The following TTLL5 variants were observed in gnomAD, a reference collection of about 807,000 sequenced individuals.
TTLL5 encodes the protein tubulin tyrosine ligase like 5.
In TTLL5, 132 loss-of-function variants were observed where a neutral mutation model predicts 168.4. That is an observed-to-expected ratio of 0.78 (90% CI 0.68 to 0.91). TTLL5 has a LOEUF of 0.91. Ranked by LOEUF, TTLL5 falls within the 40% of genes least tolerant of loss-of-function variation. TTLL5 has a pLI of 0.00. For missense variants in TTLL5, 1,545 were observed against 1,581.5 expected, an observed-to-expected ratio of 0.98 and a Z score of 0.39; for synonymous variants, 546 against 558.6, an observed-to-expected ratio of 0.98 and a Z score of 0.32.
In TTLL5 at chr14:75,914,033, A is replaced by AATATATATATATATATATAT. The variant is rs1182456559; in HGVS notation, c.3823+11812_3823+11831dup. On this transcript the variant is annotated intron_variant, in intron 31 of 31. Transcript: ENST00000298832. The stretch of plus-strand genomic sequence containing the variant: ...GTTTAAAAGGAAAAAAAAAAAAAAA[A>AATATATATATATATATATAT]ATATATATATATATATATATATTTT... Among the ~76,000 whole-genome samples the AATATATATATATATATATAT allele has an allele frequency of 1.7e-4, 12 of 71,092 alleles. No individual in the cohort carries two copies. The African/African-American group carries it at 1.7e-3, about 10-fold the overall frequency. 46.6% of individuals were successfully genotyped at this position (71,092 alleles called of 152,430 possible).
intron 28 of TTLL5, chr14:75,835,527 T>C (rs554445974): frequency 4.7e-4 from 71 of 152,326 alleles, no homozygotes; most frequent in African/African-American, 1.7e-3. Context: ...TGGACTCTGC[T>C]CTATACCATG....
chr14:75,696,154 C>A (rs926664090), intron 6 of TTLL5, among the ~76,000 whole-genome samples: 2 of 151,950 alleles, frequency 1.3e-5, no homozygotes, highest in Non-Finnish European at 2.9e-5. Context: ...TCTCCCAAAG[C>A]GCTGGGATTA....
chr14:75,776,796 A>T lies in TTLL5; in HGVS notation c.2333A>T (p.Glu778Val), dbSNP rs1471151107. The T allele has an allele frequency of 1.9e-6, 3 of 1,613,910 alleles. No homozygotes were observed. The Admixed American group carries it at 5.0e-5, about 27-fold the overall frequency. The change falls in exon 23 of 32, where the codon GAA (glutamate) becomes GTA (valine). Residue 778 changes from glutamate (E) to valine (V), a missense_variant. Transcript: ENST00000298832. ...AAATCAAAGAAGAAAGTTGAGGAAG[A>T]AGAGGAAGATGGGGTGAATATGGAA... ...EKKSKKKVEE[E>V]EEDGVNMENF...
In TTLL5 at chr14:75,663,173, C is replaced by A. The variant is rs774320898; in HGVS notation, c.24C>A (p.Asp8Glu). Residue 8 changes from aspartate (D) to glutamate (E), a missense_variant, in exon 2 of 32, where the codon GAC (aspartate) becomes GAA (glutamate). Physicochemically the swap from Asp to Glu is conservative, Grantham distance 45 (BLOSUM62 2). Transcript: ENST00000298832. ...AAATGCCAATCGTGATGGCCCGGGA[C>A]CTGGAGGAAACAGCATCATCCTCAG... MPIVMAR[D>E]LEETASSSED... The A allele has an allele frequency of 2.5e-6, 4 of 1,613,668 alleles. No homozygotes were observed. The highest frequency in any genetic ancestry group is 1.1e-5 in the South Asian group (1 of 90,844).
At chr14:75,809,110 C>T (rs1893828552) in intron 27 of TTLL5, among the ~76,000 whole-genome samples, 1 of 151,994 alleles carries the variant, frequency 6.6e-6, no homozygotes, top group African/African-American at 2.4e-5. Flanking sequence ...TGATTCTTAA[C>T]CTTTTTGGAT....
chr14:75,776,212 A>G (rs1179537559), intron 22 of TTLL5, among the ~76,000 whole-genome samples: 3 of 152,228 alleles, frequency 2.0e-5, no homozygotes, highest in Non-Finnish European at 4.4e-5. Flanking sequence ...AGAAATTTAA[A>G]TGGCTTTTCT....
intron 12 of TTLL5, among the ~76,000 whole-genome samples, chr14:75,731,278 A>G (rs1888515135): frequency 6.6e-6 from 1 of 152,004 alleles, no homozygotes; most frequent in Non-Finnish European, 1.5e-5. Context: ...ACTTCTAGAG[A>G]AAAAATATAA....
chr14:75,662,096 A>G (rs1402519677), intron 1 of TTLL5, among the ~76,000 whole-genome samples: 1 of 152,080 alleles, frequency 6.6e-6, no homozygotes, highest in African/African-American at 2.4e-5. Context: ...GAAATTTCCT[A>G]ATTTCATCGT....
intron 30 of TTLL5, among the ~76,000 whole-genome samples, chr14:75,897,845 G>A (rs2032741101): frequency 6.6e-6 from 1 of 152,186 alleles, no homozygotes; most frequent in Admixed American, 6.5e-5. Context: ...CCAGAGCTGA[G>A]ATTGTAGTAA....
intron 7 of TTLL5, among the ~76,000 whole-genome samples, chr14:75,705,951 C>T (rs1487868201): frequency 6.6e-6 from 1 of 152,064 alleles, no homozygotes; most frequent in Non-Finnish European, 1.5e-5. Context: ...TATAAACTCC[C>T]TTTGCCAGGG....
intron 12 of TTLL5, among the ~76,000 whole-genome samples, chr14:75,722,659 T>C (rs1887915090): frequency 6.6e-6 from 1 of 152,092 alleles, no homozygotes; most frequent in South Asian, 2.1e-4. Flanking sequence ...TTTTTTAGTT[T>C]TGTATTAGAG....
chr14:75,717,953 A>G lies in TTLL5; in HGVS notation c.833A>G (p.Asp278Gly), dbSNP rs775619047. 25 of 1,613,308 alleles carry G rather than the reference A, an allele frequency of 1.5e-5. No homozygotes were observed. The highest frequency in any genetic ancestry group is 8.5e-7 in the Non-Finnish European group (1 of 1,179,834). The change falls in exon 10 of 32, where the codon GAT (aspartate) becomes GGT (glycine). Residue 278 changes from aspartate (D) to glycine (G), a missense_variant. Coordinates refer to ENST00000298832, the MANE Select transcript of TTLL5 (RefSeq NM_015072.5). ...TACAGTGTCAACAAGAAAAGTGGAG[A>G]TTACGTCAGGTACTGGCTGTGTCTG... The part of the protein sequence containing the change: ...TNYSVNKKSG[D>G]YVSCDDPEVE...
intron 3 of TTLL5, among the ~76,000 whole-genome samples, chr14:75,676,117 C>T (rs774736066): frequency 6.6e-6 from 1 of 152,118 alleles, no homozygotes; most frequent in Non-Finnish European, 1.5e-5. Context: ...TATTCTTGCC[C>T]TCAATGGATT....
intron 27 of TTLL5, among the ~76,000 whole-genome samples, chr14:75,811,163 G>GTGTGTGTGTGTGTGTGTGTA (rs1405877527): frequency 7.3e-6 from 1 of 136,558 alleles, no homozygotes; most frequent in African/African-American, 2.8e-5. Context: ...AAGAGTGTGT[G>GTGTGTGTGTGTGTGTGTGTA]TGTGTGTGTG....
Position 75,904,443 on chromosome 14 carries a change from G to A in TTLL5, c.3823+2219G>A, listed in dbSNP as rs144586116. 8.3e-3 allele frequency among the ~76,000 whole-genome samples: 1,258 copies of A among 152,228 alleles called. 16 individuals are homozygous for A. The highest frequency in any genetic ancestry group is 0.028 in the African/African-American group (1,168 of 41,520). ...AGTTCCCTGACTATACTTCATTTGC[G>A]TGTCTGATTGATAAATTAAGTGTTG... On this transcript the variant is annotated intron_variant, in intron 31 of 31. Coordinates refer to ENST00000298832, the MANE Select transcript of TTLL5 (RefSeq NM_015072.5).
At chr14:75,932,944 C>T (rs916827117) in intron 31 of TTLL5, among the ~76,000 whole-genome samples, 4 of 152,104 alleles carry the variant, frequency 2.6e-5, no homozygotes, top group Admixed American at 6.6e-5. Flanking sequence ...GCGAAGACTC[C>T]GTTACTTTGA....
chr14:75,743,800 C>G (rs539393910), intron 15 of TTLL5, among the ~76,000 whole-genome samples: 1 of 152,026 alleles, frequency 6.6e-6, no homozygotes, highest in South Asian at 2.1e-4. Flanking sequence ...CCAGGATGGT[C>G]TCAATCTCCT....
intron 9 of TTLL5, among the ~76,000 whole-genome samples, chr14:75,712,813 C>A (rs765568891): frequency 6.6e-6 from 1 of 151,314 alleles, no homozygotes; most frequent in Non-Finnish European, 1.5e-5. Context: ...CATTAGAAAG[C>A]GAAAAGGAAA....
At chr14:75,893,861 G>T (rs1407791984) in intron 30 of TTLL5, among the ~76,000 whole-genome samples, 1 of 72,770 alleles carries the variant, frequency 1.4e-5, no homozygotes. Context: ...AAAATAATTT[G>T]AGACATTCAA....
Sources: gnomAD v4.1 joint callset for allele counts (sites outside exome capture counted in the v4.1 genomes callset) on GRCh38, gnomAD v4.1.1 for gene constraint, MANE v1.5 for transcripts, NCBI Gene and HGNC (gene_info 2026-07-23, HGNC 2026-07-21) for gene names.